The following PCNX1 variants were observed in gnomAD, a reference collection of about 807,000 sequenced individuals.
PCNX1 encodes pecanex-like protein 1.
PCNX1 carries 78 observed loss-of-function variants against 242.2 expected under a neutral mutation model. That is an observed-to-expected ratio of 0.32 (90% CI 0.27 to 0.39). The LOEUF (loss-of-function observed/expected upper bound fraction) is 0.39, where lower values mean the gene tolerates loss of function less well. Among genes scored for constraint, PCNX1 ranks in the 10% least tolerant of loss-of-function variants. PCNX1 has a pLI of 1.00. For synonymous variants in PCNX1, 1,024 were observed against 1,032.9 expected, an observed-to-expected ratio of 0.99 and a Z score of 0.17; for missense variants, 2,581 against 2,856.5, an observed-to-expected ratio of 0.90 and a Z score of 2.20.
At chr14:71,043,984 G>T (rs753917339) in intron 19 of PCNX1, among the ~76,000 whole-genome samples, 2 of 152,148 alleles carry the variant, frequency 1.3e-5, no homozygotes, top group South Asian at 4.1e-4. Flanking sequence ...TGGAAAGAAA[G>T]ACTGTTTCCT....
At chr14:70,970,576 G>A (rs2058511403) in intron 5 of PCNX1, among the ~76,000 whole-genome samples, 2 of 152,110 alleles carry the variant, frequency 1.3e-5, no homozygotes, top group Admixed American at 1.3e-4. Flanking sequence ...CTGGTAGGTT[G>A]GGAATTATAT....
rs202026999 is a variant in PCNX1 at position 71,061,961 on chromosome 14, TTTTAGCAGAAGC to T, written c.4852+4253_4852+4264del. ...CCCCAAGAAAATTCACAGTGAAGGG[TTTTAGCAGAAGC>T]TTTAGCAGAAGCTTTTTAAGGAGCT... On this transcript the variant is annotated intron_variant, in intron 26 of 35. Coordinates refer to ENST00000304743, the MANE Select transcript of PCNX1 (RefSeq NM_014982.3). Among the ~76,000 whole-genome samples, 1,312 of 151,692 alleles carry T rather than the reference TTTTAGCAGAAGC, an allele frequency of 8.6e-3. 23 individuals are homozygous for T. The highest frequency in any genetic ancestry group is 0.03 in the African/African-American group (1,232 of 41,308).
At chr14:71,010,873 T>C (rs937826344) in intron 9 of PCNX1, among the ~76,000 whole-genome samples, 32 of 152,186 alleles carry the variant, frequency 2.1e-4, no homozygotes, top group Admixed American at 1.2e-3. Context: ...GTAGAACATA[T>C]AGATAACCAT....
At chr14:71,073,828 G>C in intron 27 of PCNX1, 30 bp downstream of exon 27, 1 of 1,501,510 alleles carries the variant, frequency 6.7e-7, no homozygotes, top group Non-Finnish European at 8.9e-7. Context: ...TAGATCTTTA[G>C]ATAATCAGAG....
intron 2 of PCNX1, among the ~76,000 whole-genome samples, chr14:70,951,969 G>A (rs182007241): frequency 1.4e-3 from 218 of 151,886 alleles, no homozygotes; most frequent in African/African-American, 4.8e-3. Flanking sequence ...ATGCATATTC[G>A]TACATTGTGG....
In PCNX1 at chr14:71,008,820, A is replaced by T. The variant is rs549075827; in HGVS notation, c.2630-814A>T. On this transcript the variant is annotated intron_variant, in intron 8 of 35. Transcript: ENST00000304743. Reference sequence around the variant, plus strand: ...CCTTCGTGGAAATTTATATTAATTAATTTATGCTCCCTTTTCATCACCGAT... The same window carrying T: ...CCTTCGTGGAAATTTATATTAATTATTTTATGCTCCCTTTTCATCACCGAT... Among the ~76,000 whole-genome samples, 9 of 152,218 alleles carry T rather than the reference A, an allele frequency of 5.9e-5. No individual in the cohort carries two copies. In the East Asian group the frequency reaches 1.7e-3, roughly 29 times the overall value.
At chr14:71,064,439 T>C (rs758616617) in intron 26 of PCNX1, among the ~76,000 whole-genome samples, 7 of 152,146 alleles carry the variant, frequency 4.6e-5, no homozygotes, top group Non-Finnish European at 8.8e-5. Context: ...GTTGGGTAAA[T>C]GTCCAAACTT....
At chr14:71,009,808 T>A in intron 9 of PCNX1, 84 bp downstream of exon 9, 1 of 720,358 alleles carries the variant, frequency 1.4e-6, no homozygotes, top group Non-Finnish European at 2.1e-6. Flanking sequence ...CTATAAAAGT[T>A]AATTTTTTTG....
At chr14:71,055,453 A>G (rs759674176) in intron 24 of PCNX1, 51 bp from the exon 25 acceptor site, 2 of 1,077,004 alleles carry the variant, frequency 1.9e-6, no homozygotes, top group East Asian at 4.7e-5. Context: ...CTAAATTGTT[A>G]AATATTTTTT....
At chr14:71,025,456 T>C (rs1351300055) in intron 13 of PCNX1, among the ~76,000 whole-genome samples, 1 of 152,148 alleles carries the variant, frequency 6.6e-6, no homozygotes, top group Admixed American at 6.6e-5. Context: ...GGTAATGGTA[T>C]TTATAAAGTA....
At chr14:70,917,751 A>G (rs2056206923) in intron 1 of PCNX1, among the ~76,000 whole-genome samples, 1 of 152,220 alleles carries the variant, frequency 6.6e-6, no homozygotes, top group Admixed American at 6.5e-5. Flanking sequence ...GACACTAGCA[A>G]AAGAGTCAGC....
rs991317857 is a variant in PCNX1 at position 71,088,381 on chromosome 14, T to C, written c.5389T>C (p.Cys1797Arg). 2 of 1,612,874 alleles carry C rather than the reference T, an allele frequency of 1.2e-6. No individual in the cohort carries two copies. Among genetic ancestry groups the C allele is most frequent in the South Asian group, 1.1e-5 (1 of 91,034 alleles). The change falls in exon 29 of 36, where the codon TGT becomes CGT. Residue 1797 changes from cysteine (C) to arginine (R), a missense_variant. This residue lies in a region of PCNX1 where 298 missense variants were observed against 480.1 expected (regional missense o/e 0.62). Transcript: ENST00000304743. ...SSLVTLCYGLCVLGRRALGTA... is the reference protein window; with the variant it reads ...SSLVTLCYGLRVLGRRALGTA... ...CCTAGTGACTCTCTGTTATGGACTC[T>C]GTGTTCTGGGACGGAGAGCTTTGGG...
Position 71,088,421 on chromosome 14 carries a change from A to G in PCNX1, c.5429A>G (p.His1810Arg), listed in dbSNP as rs570877780. The G allele has an allele frequency of 3.8e-6, 6 of 1,594,584 alleles. No homozygotes were observed. The Admixed American group carries it at 5.0e-5, about 13-fold the overall frequency. The change falls in exon 29 of 36, where the codon CAT (histidine) becomes CGT (arginine). Residue 1810 changes from histidine to arginine, a missense_variant. Around this residue, in one of 9 missense-constraint regions of PCNX1, gnomAD observed 298 missense variants for 480.1 expected, o/e 0.62. Transcript: ENST00000304743. ...GRRALGTASH[H>R]MSSNLESFLY... ...AGAGCTTTGGGGACTGCATCCCATCATATGTCCAGGTAAAGAAGGCATTTC... is the reference window on the plus strand; with the variant it reads ...AGAGCTTTGGGGACTGCATCCCATCGTATGTCCAGGTAAAGAAGGCATTTC...
At chr14:71,003,033 G>A (rs2059549155) in intron 8 of PCNX1, among the ~76,000 whole-genome samples, 1 of 147,462 alleles carries the variant, frequency 6.8e-6, no homozygotes, top group East Asian at 2.0e-4. Context: ...TTTGTGAAGT[G>A]TGTCCAGAAA....
At position 71,113,031 on chromosome 14, in the gene PCNX1, G is replaced by C. The variant is rs527890604; in HGVS notation, c.*3096G>C. ...TCTTTTTACACCATTTTCAACACTG[G>C]ATAAAACTTTAATGTTGACTTTTTG... On this transcript the variant is annotated 3_prime_UTR_variant, in exon 36 of 36. Transcript: ENST00000304743. The C allele has an allele frequency of 8.5e-5, 13 of 152,094 alleles. No individual in the cohort carries two copies. Among genetic ancestry groups the C allele is most frequent in the African/African-American group, 3.1e-4 (13 of 41,480 alleles). 9.4% of individuals were successfully genotyped at this position (152,094 alleles called of 1,614,324 possible).
intron 33 of PCNX1, among the ~76,000 whole-genome samples, chr14:71,106,250 C>G (rs1399228555): frequency 6.6e-6 from 1 of 151,908 alleles, no homozygotes. Context: ...GATCTCCTGA[C>G]CTTGTGATCC....
chr14:70,993,329 G>A (rs891753600), intron 7 of PCNX1, among the ~76,000 whole-genome samples: 9 of 151,158 alleles, frequency 6.0e-5, no homozygotes, highest in South Asian at 2.1e-4. Context: ...GGGTTTCACC[G>A]TGTTAAGCCA....
intron 28 of PCNX1, among the ~76,000 whole-genome samples, chr14:71,085,197 G>A (rs1054558850): frequency 1.3e-4 from 20 of 152,254 alleles, no homozygotes; most frequent in African/African-American, 2.6e-4. Flanking sequence ...GTCCCAATGC[G>A]ATGAGCCGGG....
chr14:70,966,200 A>G (rs559049009), intron 3 of PCNX1, among the ~76,000 whole-genome samples: 1 of 152,300 alleles, frequency 6.6e-6, no homozygotes, highest in South Asian at 2.1e-4. Context: ...GCAGAAAAGT[A>G]TGAAGAATAA....
Sources: gnomAD v4.1 joint callset for allele counts (sites outside exome capture counted in the v4.1 genomes callset) on GRCh38, gnomAD v4.1.1 for gene constraint, gnomAD v4.1.1 regional missense constraint, MANE v1.5 for transcripts, NCBI Gene and HGNC (gene_info 2026-07-23, HGNC 2026-07-21) for gene names.